Variants in GTF2I observed in about 807,000 individuals in gnomAD.
GTF2I encodes general transcription factor II-I.
In GTF2I, 12 loss-of-function variants were observed where a neutral mutation model predicts 67.6. That is an observed-to-expected ratio of 0.18 (90% CI 0.11 to 0.29). GTF2I has a LOEUF of 0.29. Among genes scored for constraint, GTF2I ranks in the 10% least tolerant of loss-of-function variants. The pLI, the probability that GTF2I is intolerant of heterozygous loss-of-function variation, is 1.00. For missense variants in GTF2I, 271 were observed against 580.1 expected (o/e 0.47, Z 5.47); for synonymous variants, 149 against 197.0 (o/e 0.76, Z 2.04).
At chr7:74,672,978 A>G (rs1805587896) in intron 1 of GTF2I, among the ~76,000 whole-genome samples, 1 of 152,056 alleles carries the variant, frequency 6.6e-6, no homozygotes, top group African/African-American at 2.4e-5. Context: ...CTCCTGCCTC[A>G]GCCTCCCTAG....
At chr7:74,712,401 C>G (rs1554402748) in intron 9 of GTF2I, among the ~76,000 whole-genome samples, 1 of 151,946 alleles carries the variant, frequency 6.6e-6, no homozygotes. Context: ...ACTTTTCTCT[C>G]TATTCTTAAG....
At chr7:74,698,507 T>TC (rs1278294407) in intron 3 of GTF2I, among the ~76,000 whole-genome samples, 5 of 150,574 alleles carry the variant, frequency 3.3e-5, no homozygotes, top group African/African-American at 1.2e-4. Flanking sequence ...GCCTTAAACT[T>TC]CTAGACTCAA....
intron 6 of GTF2I, among the ~76,000 whole-genome samples, chr7:74,704,437 C>T (rs1363729546): frequency 6.6e-6 from 1 of 151,834 alleles, no homozygotes; most frequent in Non-Finnish European, 1.5e-5. Flanking sequence ...ATTACAGGCG[C>T]CCGCCACCAC....
At position 74,718,931 on chromosome 7, in the gene GTF2I, G is replaced by T; in HGVS notation, c.933G>T (p.Val311=). ...SETSEDPEVE[V]TIEDDDYSPP... is the part of the protein sequence containing the mutation. ...CAAGTGAGGACCCTGAAGTTGAGGT[G>T]ACTATTGAAGGTTAGTTATCTAAAA... The change falls in exon 12 of 35, where the codon GTG becomes GTT. Residue 311 remains valine, a synonymous_variant. Transcript: ENST00000573035. 1 of 1,549,220 alleles carries T rather than the reference G, an allele frequency of 6.5e-7. No homozygotes were observed. Among genetic ancestry groups the T allele is most frequent in the Admixed American group, 1.9e-5 (1 of 54,034 alleles).
chr7:74,665,491 GT>G (rs1327199344), intron 1 of GTF2I, among the ~76,000 whole-genome samples: 2 of 151,176 alleles, frequency 1.3e-5, no homozygotes, highest in Admixed American at 1.3e-4. Flanking sequence ...ACCTCAGATG[GT>G]CCGCCCACCT....
At chr7:74,696,184 G>A (rs965064959) in intron 3 of GTF2I, among the ~76,000 whole-genome samples, 2 of 151,822 alleles carry the variant, frequency 1.3e-5, no homozygotes, top group African/African-American at 2.4e-5. Context: ...GTTTTGCCCT[G>A]TTGGCCTGGC....
chr7:74,696,342 T>C (rs1222637140), intron 3 of GTF2I, among the ~76,000 whole-genome samples: 1 of 151,024 alleles, frequency 6.6e-6, no homozygotes, highest in Non-Finnish European at 1.5e-5. Flanking sequence ...CTTCTTCTCT[T>C]TTTTTTTGAG....
intron 10 of GTF2I, chr7:74,716,680 T>C (rs1792300120): frequency 2.1e-6 from 1 of 484,616 alleles, no homozygotes; most frequent in Non-Finnish European, 3.7e-6. Flanking sequence ...ACTCTGTATT[T>C]GTGTTTTCAA....
intron 7 of GTF2I, 89 bp downstream of exon 7, chr7:74,705,307 G>A: frequency 1.3e-6 from 1 of 797,316 alleles, no homozygotes; most frequent in South Asian, 1.4e-5. Context: ...ATATTAAAAA[G>A]GCCTCATGTC....
chr7:74,714,530 TAC>T (rs1554403198), intron 9 of GTF2I, among the ~76,000 whole-genome samples: 1 of 152,102 alleles, frequency 6.6e-6, no homozygotes, highest in East Asian at 1.9e-4. Context: ...AAGTAAAAGT[TAC>T]AGTTTACTGT....
At position 74,690,938 on chromosome 7, in the gene GTF2I, C is replaced by T. The variant is rs372476632; in HGVS notation, c.100-35C>T. 39 of 1,587,718 alleles carry T rather than the reference C, an allele frequency of 2.5e-5. No individual in the cohort carries two copies. The African/African-American group carries it at 3.9e-4, about 16-fold the overall frequency. On this transcript the variant is annotated intron_variant, in intron 2 of 34. Transcript: ENST00000573035. ...AGCAGAAATGATGCTCTTAAACGTCCGCCTGTAACATGATGTTTGCTGTTT... is the reference window on the plus strand; with the variant it reads ...AGCAGAAATGATGCTCTTAAACGTCTGCCTGTAACATGATGTTTGCTGTTT...
At position 74,657,842 on chromosome 7, in the gene GTF2I, T is replaced by G. The variant is rs1554384344; in HGVS notation, c.-232T>G. The G allele has an allele frequency of 2.6e-5, 4 of 151,682 alleles. No homozygotes were observed. Among genetic ancestry groups the G allele is most frequent in the Non-Finnish European group, 5.9e-5 (4 of 68,014 alleles). The allele number at this position is 151,682 out of a possible 1,614,324, so 9.4% of individuals were successfully genotyped here. On this transcript the variant is annotated 5_prime_UTR_variant, in exon 1 of 35. Coordinates refer to ENST00000573035, the MANE Select transcript of GTF2I (RefSeq NM_032999.4). ...CCCGGCCTCTGCCTCTGTCCCCCAG[T>G]GATCGGATCAAGGCGCTGAGCGAGG...
chr7:74,658,959 G>A (rs1804212702), intron 1 of GTF2I, among the ~76,000 whole-genome samples: 1 of 152,116 alleles, frequency 6.6e-6, no homozygotes, highest in Non-Finnish European at 1.5e-5. Flanking sequence ...TTCGTGTAGC[G>A]AATTTTGTCC....
In GTF2I at chr7:74,700,359, C is replaced by G. The variant is rs148927442; in HGVS notation, c.486C>G (p.Pro162=). The change falls in exon 5 of 35, where the codon CCC becomes CCG. Residue 162 remains proline, a synonymous_variant. Coordinates refer to ENST00000573035, the MANE Select transcript of GTF2I (RefSeq NM_032999.4). The part of the protein sequence containing the change: ...GLPEGVAFKH[P]ENYDLATLKW... ...CGGAAGGTGTTGCCTTTAAACACCC[C>G]GAGAACTATGATCTTGCAACCCTGA... 3 of 1,613,912 alleles carry G rather than the reference C, an allele frequency of 1.9e-6. No homozygotes were observed. The highest frequency in any genetic ancestry group is 1.3e-5 in the African/African-American group (1 of 74,852).
At chr7:74,663,198 A>G (rs1554387313) in intron 1 of GTF2I, among the ~76,000 whole-genome samples, 1 of 152,224 alleles carries the variant, frequency 6.6e-6, no homozygotes, top group Non-Finnish European at 1.5e-5. Context: ...ATGCTTCATA[A>G]CTGGGGTGGT....
At chr7:74,705,647 C>G (rs1216171800) in intron 7 of GTF2I, among the ~76,000 whole-genome samples, 14 of 151,460 alleles carry the variant, frequency 9.2e-5, no homozygotes, top group African/African-American at 2.9e-4. Flanking sequence ...AACCTCTGAC[C>G]CCCTGCTGGG....
At chr7:74,726,030 A>C (rs983201343) in intron 12 of GTF2I, among the ~76,000 whole-genome samples, 19 of 152,118 alleles carry the variant, frequency 1.2e-4, no homozygotes, top group African/African-American at 4.1e-4. Flanking sequence ...GATCCATGGG[A>C]TGGAGCTCCA....
At chr7:74,678,649 C>G (rs1786917308) in intron 1 of GTF2I, among the ~76,000 whole-genome samples, 1 of 152,064 alleles carries the variant, frequency 6.6e-6, no homozygotes, top group African/African-American at 2.4e-5. Flanking sequence ...CTAATTTAAA[C>G]TATTGTCTAA....
intron 28 of GTF2I, 86 bp from the exon 29 acceptor site, chr7:74,753,008 G>C: frequency 6.9e-7 from 1 of 1,439,682 alleles, no homozygotes; most frequent in South Asian, 1.3e-5. Context: ...AGGCCAGTCT[G>C]GGCAACATCG....
Sources: allele counts gnomAD v4.1 joint callset (sites outside exome capture counted in the v4.1 genomes callset), GRCh38; gene constraint gnomAD v4.1.1; transcripts MANE v1.5; gene names NCBI Gene and HGNC (gene_info 2026-07-23, HGNC 2026-07-21).